The following HEATR1 variants were observed in gnomAD, a reference collection of about 807,000 sequenced individuals.
HEATR1 encodes the protein HEAT repeat containing 1.
HEATR1 carries 77 observed loss-of-function variants against 248.2 expected under a neutral mutation model. The observed-to-expected ratio is 0.31, with a 90% CI of 0.26 to 0.37. The LOEUF is 0.37. Among genes scored for constraint, HEATR1 ranks in the 10% least tolerant of loss-of-function variants. The pLI is 1.00. For missense variants in HEATR1, 2,420 were observed against 2,504.9 expected (o/e 0.97, Z 0.72); for synonymous variants, 897 against 923.1 (o/e 0.97, Z 0.51).
rs1389952929 is a variant in HEATR1, at chr1:236,555,271, C to A, written c.5923+25G>T. The A allele has an allele frequency of 7.4e-6, 12 of 1,610,990 alleles. No homozygotes were observed. In the South Asian group the frequency reaches 1.2e-4, roughly 16 times the overall value. On this transcript the variant is annotated intron_variant, in intron 41 of 44. Coordinates refer to ENST00000366582, the MANE Select transcript of HEATR1 (RefSeq NM_018072.6). ...TATAAGGCACACAGGGCAAGGGTGA[C>A]AGCTGAACTGAAGCGACCACCCACC...
chr1:236,592,102 C>A lies in HEATR1; in HGVS notation c.1313G>T (p.Arg438Ile). Residue 438 changes from arginine (R) to isoleucine (I), a missense_variant, in exon 11 of 45, where the codon AGA becomes ATA. Physicochemically the swap from Arg to Ile is moderately conservative, Grantham distance 97 (BLOSUM62 -3). Transcript: ENST00000366582. The part of the protein sequence containing the change: ...LIRLLESKYP[R>I]TLDVVLEEHL... ...TTCCTCTAATACAACATCTAATGTT[C>A]TGGGGTATCTGGGAAGCAATTAAAA... is the stretch of plus-strand genomic sequence containing the variant. 6.5e-7 allele frequency: 1 copy of A among 1,531,914 alleles called. No homozygotes were observed. The highest frequency in any genetic ancestry group is 1.2e-5 in the South Asian group (1 of 84,430). 94.9% of individuals were successfully genotyped at this position (1,531,914 alleles called of 1,614,324 possible).
intron 8 of HEATR1, among the ~76,000 whole-genome samples, chr1:236,595,119 A>T (rs546097960): frequency 6.6e-6 from 1 of 151,974 alleles, no homozygotes; most frequent in Non-Finnish European, 1.5e-5. Context: ...ATGTATAAAA[A>T]TTTTCTTGGT....
At chr1:236,553,487 T>C in intron 43 of HEATR1, 94 bp downstream of exon 43, 1 of 1,243,804 alleles carries the variant, frequency 8.0e-7, no homozygotes, top group Admixed American at 2.3e-5. Context: ...TCCCTGCCAG[T>C]TTACTAGGGG....
rs915460934 is a variant in HEATR1, at chr1:236,581,148, C to T, written c.2755+74G>A. 6.9e-6 allele frequency: 9 copies of T among 1,296,538 alleles called. No homozygotes were observed. In the East Asian group the frequency reaches 7.0e-5, roughly 10 times the overall value. The allele number at this position is 1,296,538 out of a possible 1,614,324, so 80.3% of individuals were successfully genotyped here. ...TATTTTTTTTTAAGTTATAATTTTCCAAACTACATAAACCATATAGAGAAA... is the reference window on the plus strand; with the variant it reads ...TATTTTTTTTTAAGTTATAATTTTCTAAACTACATAAACCATATAGAGAAA... On this transcript the variant is annotated intron_variant, in intron 20 of 44. Coordinates refer to ENST00000366582, the MANE Select transcript of HEATR1 (RefSeq NM_018072.6).
intron 16 of HEATR1, 102 bp from the exon 17 acceptor site, chr1:236,585,318 T>A (rs1663857054): frequency 2.8e-5 from 26 of 920,574 alleles, no homozygotes; most frequent in Non-Finnish European, 4.0e-5. Context: ...ACATTTAAAG[T>A]GAGATGACAA....
At position 236,600,118 on chromosome 1, in the gene HEATR1, ATTTTTTT is replaced by A. The variant is rs67344658; in HGVS notation, c.360-501_360-495del. On this transcript the variant is annotated intron_variant, in intron 3 of 44. Coordinates refer to ENST00000366582, the MANE Select transcript of HEATR1 (RefSeq NM_018072.6). ...GTGTTGCCCAGGCTGGTCTGTCAAC[ATTTTTTT>A]TTTTTTTTTTTTTTTTTTTTTTGAG... Among the ~76,000 whole-genome samples the A allele has an allele frequency of 1.5e-3, 74 of 50,322 alleles. 1 individual carries two copies. Among genetic ancestry groups the A allele is most frequent in the Admixed American group, 5.3e-3 (14 of 2,618 alleles). The allele number at this position is 50,322 out of a possible 152,430, so 33.0% of individuals were successfully genotyped here.
At chr1:236,600,494 A>G (rs1172977633) in intron 3 of HEATR1, among the ~76,000 whole-genome samples, 1 of 150,652 alleles carries the variant, frequency 6.6e-6, no homozygotes, top group Non-Finnish European at 1.5e-5. Context: ...ATCCTTTTAC[A>G]TCGTGTACTT....
chr1:236,597,706 A>G (rs1664214148), intron 5 of HEATR1, among the ~76,000 whole-genome samples, 172 bp downstream of exon 5: 1 of 152,198 alleles, frequency 6.6e-6, no homozygotes, highest in South Asian at 2.1e-4. Flanking sequence ...TCTTAAAAAA[A>G]AAAAAAAAGA....
At position 236,550,749 on chromosome 1, in the gene HEATR1, G is replaced by C; in HGVS notation, c.*153C>G. 3.4e-6 allele frequency: 2 copies of C among 590,840 alleles called. No homozygotes were observed. Among genetic ancestry groups the C allele is most frequent in the Non-Finnish European group, 5.9e-6 (2 of 341,316 alleles). The allele number at this position is 590,840 out of a possible 1,614,324, so 36.6% of individuals were successfully genotyped here. ...AGGCTTATGTGGCAGCACAAGCCAG[G>C]TGGGGATTTTGTAAAGAAGTGATAA... On this transcript the variant is annotated 3_prime_UTR_variant, in exon 45 of 45. Transcript: ENST00000366582.
Position 236,560,489 on chromosome 1 carries a change from G to C in HEATR1, c.4647-652C>G, listed in dbSNP as rs1663102822. On this transcript the variant is annotated intron_variant, in intron 33 of 44. Coordinates refer to ENST00000366582, the MANE Select transcript of HEATR1 (RefSeq NM_018072.6). The stretch of plus-strand genomic sequence containing the variant: ...ACAGAAGTTGACACCGCACAGCAGA[G>C]GAGGGGAGAAGGGGGCGCAGACAAA... 2.6e-5 allele frequency among the ~76,000 whole-genome samples: 4 copies of C among 152,156 alleles called. No individual in the cohort carries two copies. In the South Asian group the frequency reaches 8.3e-4, roughly 32 times the overall value.
Position 236,566,858 on chromosome 1 carries a change from T to A in HEATR1, c.4096A>T (p.Ile1366Leu), listed in dbSNP as rs111419712. Residue 1366 changes from isoleucine to leucine, a missense_variant, in exon 30 of 45, where the codon ATA becomes TTA. Physicochemically the swap from Ile to Leu is conservative, Grantham distance 5. Coordinates refer to ENST00000366582, the MANE Select transcript of HEATR1 (RefSeq NM_018072.6). ...TCTTCAACGTTTCTTGAAACTTCTATAGAATCTCCACTATCAGACTGCAAA... is the reference window on the plus strand; with the variant it reads ...TCTTCAACGTTTCTTGAAACTTCTAAAGAATCTCCACTATCAGACTGCAAA... ...ALIQSDSGDSIEVSRNVEEIV... is the reference protein window; with the variant it reads ...ALIQSDSGDSLEVSRNVEEIV... 1.2e-6 allele frequency: 2 copies of A among 1,613,644 alleles called. No homozygotes were observed. Among genetic ancestry groups the A allele is most frequent in the Admixed American group, 1.7e-5 (1 of 60,018 alleles).
chr1:236,550,856 A>G lies in HEATR1; in HGVS notation c.*46T>C. ...CAACACCCAAAAATAAAAATATGAA[A>G]TATGAGTGTGAACTCTGAGTAGAGT... On this transcript the variant is annotated 3_prime_UTR_variant, in exon 45 of 45. Transcript: ENST00000366582. The G allele has an allele frequency of 7.0e-7, 1 of 1,424,524 alleles. No individual in the cohort carries two copies. Among genetic ancestry groups the G allele is most frequent in the Non-Finnish European group, 9.6e-7 (1 of 1,039,588 alleles). 88.2% of individuals were successfully genotyped at this position (1,424,524 alleles called of 1,614,324 possible). A position where few individuals can be genotyped will look rare whatever the true frequency, so the allele number is the denominator to read the frequency against.
At chr1:236,566,174 A>G in intron 30 of HEATR1, 129 bp from the exon 31 acceptor site, 1 of 813,800 alleles carries the variant, frequency 1.2e-6, no homozygotes, top group Non-Finnish European at 1.9e-6. Flanking sequence ...GTCGAGATCT[A>G]CTCCCAGATC....
rs767336869 is a variant in HEATR1, at chr1:236,549,677, C to T, written c.*1225G>A. The T allele has an allele frequency of 2.6e-5, 4 of 152,042 alleles. No homozygotes were observed. Among genetic ancestry groups the T allele is most frequent in the Admixed American group, 2.0e-4 (3 of 15,266 alleles). The allele number at this position is 152,042 out of a possible 1,614,324, so 9.4% of individuals were successfully genotyped here. ...GAAAGCTGTAGAAGGCAAGAAGACT[C>T]GAGAATCCCCCAGAGTTATTTTTCT... On this transcript the variant is annotated 3_prime_UTR_variant, in exon 45 of 45. Coordinates refer to ENST00000366582, the MANE Select transcript of HEATR1 (RefSeq NM_018072.6).
At chr1:236,572,328 A>C in intron 26 of HEATR1, 83 bp downstream of exon 26, 1 of 1,363,664 alleles carries the variant, frequency 7.3e-7, no homozygotes, top group South Asian at 1.3e-5. Flanking sequence ...ACAAGAGAAG[A>C]GTATGTTGAA....
At chr1:236,587,801 C>T in intron 13 of HEATR1, 147 bp downstream of exon 13, 2 of 529,390 alleles carry the variant, frequency 3.8e-6, no homozygotes, top group Non-Finnish European at 3.3e-6. Flanking sequence ...TTTCTCCTAA[C>T]CAGACTTAAG....
At position 236,590,885 on chromosome 1, in the gene HEATR1, C is replaced by A; in HGVS notation, c.1492G>T (p.Ala498Ser). The change falls in exon 12 of 45, where the codon GCC becomes TCC. Residue 498 changes from alanine (A) to serine (S), a missense_variant. Transcript: ENST00000366582. ...ATGATCTTTTTCAAATGATTCATGGCCAGAATTCTCACAGGAGCAAGTGGA... is the reference window on the plus strand; with the variant it reads ...ATGATCTTTTTCAAATGATTCATGGACAGAATTCTCACAGGAGCAAGTGGA... ...NHPLAPVRIL[A>S]MNHLKKIMKT... is the part of the protein sequence containing the mutation. The A allele has an allele frequency of 6.6e-7, 1 of 1,520,338 alleles. No homozygotes were observed. Among genetic ancestry groups the A allele is most frequent in the Non-Finnish European group, 8.9e-7 (1 of 1,126,078 alleles). 94.2% of individuals were successfully genotyped at this position (1,520,338 alleles called of 1,614,324 possible). A position where few individuals can be genotyped will look rare whatever the true frequency, so the allele number is the denominator to read the frequency against.
Position 236,555,930 on chromosome 1 carries a change from C to T in HEATR1, c.5524G>A (p.Gly1842Ser). The T allele has an allele frequency of 6.2e-7, 1 of 1,613,562 alleles. No individual in the cohort carries two copies. Among genetic ancestry groups the T allele is most frequent in the Non-Finnish European group, 8.5e-7 (1 of 1,179,470 alleles). The change falls in exon 39 of 45, where the codon GGT becomes AGT. Residue 1842 changes from glycine (G) to serine (S), a missense_variant. Gly to Ser is a moderately conservative substitution (Grantham distance 56). Transcript: ENST00000366582. Reference sequence around the variant, plus strand: ...TCTTGCAAGATGCTCATAAACGGACCCATGTGATTCTACCAATAACACAGG... The same window carrying T: ...TCTTGCAAGATGCTCATAAACGGACTCATGTGATTCTACCAATAACACAGG... ...QIEKNWKNHMGPFMSILQEHI... is the reference protein window; with the variant it reads ...QIEKNWKNHMSPFMSILQEHI...
intron 29 of HEATR1, 98 bp downstream of exon 29, chr1:236,568,887 AAAAAAAAAAAC>A (rs1312416079): frequency 1.4e-4 from 82 of 577,262 alleles, no homozygotes; most frequent in African/African-American, 9.3e-4. Flanking sequence ...GAGGATATTA[AAAAAAAAAAAC>A]AAAAAAAAAA....
Sources: gnomAD v4.1 joint callset for allele counts (sites outside exome capture counted in the v4.1 genomes callset) on GRCh38, gnomAD v4.1.1 for gene constraint, MANE v1.5 for transcripts, NCBI Gene and HGNC (gene_info 2026-07-23, HGNC 2026-07-21) for gene names.